Variants in CLCNKB observed in about 807,000 individuals in gnomAD.
CLCNKB encodes the protein chloride voltage-gated channel Kb.
A neutral mutation model predicts 83.8 loss-of-function variants in CLCNKB; 74 were observed. The ratio of observed to expected loss-of-function variants is 0.88; its 90% CI spans 0.73 to 1.07. The LOEUF (loss-of-function observed/expected upper bound fraction) is 1.07, where lower values mean the gene tolerates loss of function less well. Ranked by LOEUF, CLCNKB falls within the 50% of genes least tolerant of loss-of-function variation. CLCNKB has a pLI of 0.00. For missense variants in CLCNKB, 798 were observed against 893.6 expected, an observed-to-expected ratio of 0.89 and a Z score of 1.36; for synonymous variants, 358 against 356.6, an observed-to-expected ratio of 1.00 and a Z score of -0.04.
At chr1:16,045,064 G>T (rs1325110132) in intron 2 of CLCNKB, among the ~76,000 whole-genome samples, 2 of 151,940 alleles carry the variant, frequency 1.3e-5, no homozygotes, top group African/African-American at 2.4e-5. Context: ...CAACCCCAGG[G>T]GCTGGTGCCC....
At chr1:16,049,303 C>T (rs1005193759) in intron 8 of CLCNKB, 58 bp downstream of exon 8, 2 of 1,605,912 alleles carry the variant, frequency 1.2e-6, no homozygotes, top group African/African-American at 2.7e-5. Context: ...CGAGGGGGCC[C>T]TCCCTTCTCC....
At chr1:16,045,515 C>T in intron 2 of CLCNKB, 43 bp from the exon 3 acceptor site, 13 of 1,608,288 alleles carry the variant, frequency 8.1e-6, no homozygotes, top group African/African-American at 1.3e-5. Flanking sequence ...ACTGTCTGTG[C>T]CTCCTGCCCC....
rs534860798 is a variant in CLCNKB at position 16,046,529 on chromosome 1, C to G, written c.230-6C>G. The G allele has an allele frequency of 6.2e-7, 1 of 1,613,730 alleles. No homozygotes were observed. Among genetic ancestry groups the G allele is most frequent in the African/African-American group, 1.3e-5 (1 of 75,040 alleles). On this transcript the variant is annotated splice_region_variant and splice_polypyrimidine_tract_variant and intron_variant, in intron 3 of 19. Transcript: ENST00000375679. ...GGGTGCCTCCCTGATACCCGGCTGT[C>G]CCCAGCGCACCAGTGGCTGTACAGG...
At chr1:16,054,123 T>G (rs1006909098) in intron 16 of CLCNKB, among the ~76,000 whole-genome samples, 1 of 152,104 alleles carries the variant, frequency 6.6e-6, no homozygotes, top group African/African-American at 2.4e-5. Flanking sequence ...CTCCTCCAAA[T>G]CCTTGTTGCC....
In CLCNKB at chr1:16,044,559, G is replaced by A. The variant is rs2023038048; in HGVS notation, c.67G>A (p.Gly23Ser). 1 of 1,606,108 alleles carries A rather than the reference G, an allele frequency of 6.2e-7. No individual in the cohort carries two copies. Among genetic ancestry groups the A allele is most frequent in the East Asian group, 2.2e-5 (1 of 44,590 alleles). The change falls in exon 2 of 20, where the codon GGC becomes AGC. Residue 23 changes from glycine to serine, a missense_variant. Coordinates refer to ENST00000375679, the MANE Select transcript of CLCNKB (RefSeq NM_000085.5). ...CCCTGTGACTCTGCAGGAGCTGTGG[G>A]GCCCCTGTCCCCGCATCCGCCGAGG... ...GNPVTLQELW[G>S]PCPRIRRGIR...
At chr1:16,045,337 G>A (rs1441453369) in intron 2 of CLCNKB, among the ~76,000 whole-genome samples, 2 of 152,182 alleles carry the variant, frequency 1.3e-5, no homozygotes, top group Non-Finnish European at 2.9e-5. Context: ...TTCTGGTAGG[G>A]GCAGCAGTCC....
chr1:16,049,080 TG>T, intron 7 of CLCNKB, 39 bp from the exon 8 acceptor site: 4 of 1,601,022 alleles, frequency 2.5e-6, no homozygotes, highest in Non-Finnish European at 3.4e-6. Context: ...CACAGGTGGG[TG>T]GGGGTGGAGG....
chr1:16,055,402 G>A (rs2023406157), intron 16 of CLCNKB, 33 bp from the exon 17 acceptor site: 1 of 1,570,704 alleles, frequency 6.4e-7, no homozygotes, highest in Admixed American at 1.7e-5. Flanking sequence ...TCCTCCTAAT[G>A]TGCCTCCCTC....
chr1:16,045,759 T>C, intron 3 of CLCNKB, 73 bp downstream of exon 3: 1 of 820,048 alleles, frequency 1.2e-6, no homozygotes, highest in Non-Finnish European at 1.9e-6. Flanking sequence ...CAGGTGGATG[T>C]CGCCAGGTGC....
At chr1:16,054,897 C>T (rs1382786428) in intron 16 of CLCNKB, among the ~76,000 whole-genome samples, 1 of 152,128 alleles carries the variant, frequency 6.6e-6, no homozygotes, top group Non-Finnish European at 1.5e-5. Context: ...AGTTTTTATT[C>T]CACTCAACAG....
rs750155699 is a variant in CLCNKB at position 16,052,287 on chromosome 1, C to G, written c.1498C>G (p.Pro500Ala). Reference sequence around the variant, plus strand: ...GACCGGCCAGATAGTGCATGCACTGCCCGTGCTGATGGCGGTGCTGGCAGC... The same window carrying G: ...GACCGGCCAGATAGTGCATGCACTGGCCGTGCTGATGGCGGTGCTGGCAGC... ...EVTGQIVHAL[P>A]VLMAVLAANA... Residue 500 changes from proline to alanine, a missense_variant, in exon 15 of 20, where the codon CCC becomes GCC. By Grantham distance (27) the Pro-to-Ala change is conservative. Coordinates refer to ENST00000375679, the MANE Select transcript of CLCNKB (RefSeq NM_000085.5). 2 of 1,613,236 alleles carry G rather than the reference C, an allele frequency of 1.2e-6. No individual in the cohort carries two copies. The highest frequency in any genetic ancestry group is 1.7e-6 in the Non-Finnish European group (2 of 1,180,048).
At chr1:16,047,481 G>C (rs1034434002) in intron 4 of CLCNKB, among the ~76,000 whole-genome samples, 1 of 142,570 alleles carries the variant, frequency 7.0e-6, no homozygotes, top group African/African-American at 2.8e-5. Flanking sequence ...AACAAACAAA[G>C]GAATCCTAAC....
intron 3 of CLCNKB, 32 bp downstream of exon 3, chr1:16,045,718 C>T: frequency 6.3e-7 from 1 of 1,593,542 alleles, no homozygotes; most frequent in South Asian, 1.1e-5. Context: ...CTGCTCTGGG[C>T]CAAGGGATTC....
At position 16,050,613 on chromosome 1, in the gene CLCNKB, G is replaced by T. The variant is rs35480349; in HGVS notation, c.1053+13G>T. On this transcript the variant is annotated intron_variant, in intron 11 of 19. Transcript: ENST00000375679. The stretch of plus-strand genomic sequence containing the variant: ...CCTAGCTTCTCGGGTAAGGGGCCTT[G>T]AGTGGGGTGGCAGGAGTGGGGAAGC... 7 of 1,613,084 alleles carry T rather than the reference G, an allele frequency of 4.3e-6. No homozygotes were observed. The East Asian group carries it at 6.7e-5, about 15-fold the overall frequency.
chr1:16,048,356 A>T lies in CLCNKB; in HGVS notation c.512A>T (p.His171Leu). The change falls in exon 6 of 20, where the codon CAC becomes CTC. Residue 171 changes from histidine (H) to leucine (L), a missense_variant. By Grantham distance (99) the His-to-Leu change is moderately conservative. Transcript: ENST00000375679. ...LFLGKVGPFV[H>L]LSVMMAAYLG... ...TTCTCTCTGCAGGGCCCTTTCGTGC[A>T]CCTGTCTGTGATGATGGCTGCCTAC... is the stretch of plus-strand genomic sequence containing the variant. 1 of 1,613,752 alleles carries T rather than the reference A, an allele frequency of 6.2e-7. No homozygotes were observed. Among genetic ancestry groups the T allele is most frequent in the Non-Finnish European group, 8.5e-7 (1 of 1,179,964 alleles).
chr1:16,048,165 A>G (rs2124090230), intron 5 of CLCNKB, 121 bp downstream of exon 5: 1 of 1,450,348 alleles, frequency 6.9e-7, no homozygotes, highest in Non-Finnish European at 9.4e-7. Flanking sequence ...CCTTCCAGGA[A>G]CTCAGTCTTG....
chr1:16,045,312 G>A lies in CLCNKB; in HGVS notation c.101-246G>A, dbSNP rs1030766722. On this transcript the variant is annotated intron_variant, in intron 2 of 19. Transcript: ENST00000375679. The stretch of plus-strand genomic sequence containing the variant: ...AGTACAGGCAGGGATGCGGAGGGTC[G>A]GCAGGTCAACGGCTTTCTGGTAGGG... 3.9e-5 allele frequency among the ~76,000 whole-genome samples: 6 copies of A among 152,296 alleles called. No individual in the cohort carries two copies. The South Asian group carries it at 8.3e-4, about 21-fold the overall frequency.
In CLCNKB at chr1:16,052,256, C is replaced by T. The variant is rs535003549; in HGVS notation, c.1467C>T (p.Phe489=). Reference sequence around the variant, plus strand: ...CCATCTCCACGGCGCTGCTGGCCTTCGAGGTGACCGGCCAGATAGTGCATG... The same window carrying T: ...CCATCTCCACGGCGCTGCTGGCCTTTGAGGTGACCGGCCAGATAGTGCATG... The part of the protein sequence containing the change: ...THTISTALLA[F]EVTGQIVHAL... The change falls in exon 15 of 20, where the codon TTC becomes TTT. Residue 489 remains phenylalanine (F), a synonymous_variant. Transcript: ENST00000375679. The T allele has an allele frequency of 5.9e-5, 95 of 1,613,312 alleles. No homozygotes were observed. Among genetic ancestry groups the T allele is most frequent in the South Asian group, 2.0e-4 (18 of 91,082 alleles).
At chr1:16,044,383 A>ACACAC in intron 1 of CLCNKB, 103 bp from the exon 2 acceptor site, 160 of 851,472 alleles carry the variant, frequency 1.9e-4, no homozygotes, top group Non-Finnish European at 2.6e-4. Flanking sequence ...ACACACGCAC[A>ACACAC]ATCTTTCCTC....
Sources: gnomAD v4.1 joint callset for allele counts (sites outside exome capture counted in the v4.1 genomes callset) on GRCh38, gnomAD v4.1.1 for gene constraint, MANE v1.5 for transcripts, NCBI Gene and HGNC (gene_info 2026-07-23, HGNC 2026-07-21) for gene names.